Variants in PODXL2 observed in about 807,000 individuals in gnomAD.
PODXL2 encodes the protein podocalyxin like 2.
In PODXL2, 17 loss-of-function variants were observed where a neutral mutation model predicts 53.4. The ratio of observed to expected loss-of-function variants is 0.32; its 90% CI spans 0.22 to 0.48. PODXL2 has a LOEUF of 0.48. Among genes scored for constraint, PODXL2 ranks in the 20% least tolerant of loss-of-function variants. The pLI is 0.99. For synonymous variants in PODXL2, 311 were observed against 306.7 expected, an observed-to-expected ratio of 1.01 and a Z score of -0.15; for missense variants, 673 against 760.0, an observed-to-expected ratio of 0.89 and a Z score of 1.35.
intron 3 of PODXL2, 105 bp from the exon 4 acceptor site, chr3:127,662,132 G>C (rs2074771753): frequency 1.1e-6 from 1 of 888,790 alleles, no homozygotes; most frequent in Non-Finnish European, 1.8e-6. Flanking sequence ...GCCTCCACTG[G>C]CCTCCACCTT....
chr3:127,669,090 G>T (rs776585605), intron 5 of PODXL2, 51 bp from the exon 6 acceptor site: 1 of 1,304,572 alleles, frequency 7.7e-7, no homozygotes, highest in Non-Finnish European at 1.1e-6. Context: ...CCTTGGAGGG[G>T]CACGCACCTC....
At chr3:127,641,876 T>G (rs2107705487) in intron 2 of PODXL2, among the ~76,000 whole-genome samples, 1 of 152,294 alleles carries the variant, frequency 6.6e-6, no homozygotes, top group South Asian at 2.1e-4. Context: ...TTAAACTGGT[T>G]CCCTACTGTT....
At chr3:127,644,041 T>C (rs2074637471) in intron 2 of PODXL2, among the ~76,000 whole-genome samples, 3 of 152,114 alleles carry the variant, frequency 2.0e-5, no homozygotes, top group Admixed American at 2.0e-4. Flanking sequence ...TTTCTCCATA[T>C]AGATCATCTA....
chr3:127,646,996 T>C (rs751243003), intron 2 of PODXL2, among the ~76,000 whole-genome samples: 6 of 152,198 alleles, frequency 3.9e-5, no homozygotes, highest in Admixed American at 1.3e-4. Flanking sequence ...CAGGTAGAGC[T>C]GATGCCTTCC....
chr3:127,649,193 T>C (rs530440916), intron 2 of PODXL2, among the ~76,000 whole-genome samples: 1 of 152,370 alleles, frequency 6.6e-6, no homozygotes, highest in Non-Finnish European at 1.5e-5. Flanking sequence ...TCTTGCTGTT[T>C]CACTTAGAAA....
At chr3:127,648,013 A>G (rs766014236) in intron 2 of PODXL2, among the ~76,000 whole-genome samples, 2 of 152,156 alleles carry the variant, frequency 1.3e-5, no homozygotes, top group Non-Finnish European at 2.9e-5. Flanking sequence ...CCTATACTTC[A>G]TATGTCATTT....
Position 127,658,553 on chromosome 3 carries a change from A to T in PODXL2, c.350-1825A>T, listed in dbSNP as rs563298514. 1.0e-3 allele frequency among the ~76,000 whole-genome samples: 152 copies of T among 152,108 alleles called. 8 individuals carry two copies. Among genetic ancestry groups the T allele is most frequent in the Non-Finnish European group, 7.6e-4 (52 of 67,992 alleles). ...GAGTAGTCATTTATTTGGATATAAC[A>T]TTTCAGGTTCAAAATAAACATCCCT... On this transcript the variant is annotated intron_variant, in intron 2 of 7. Transcript: ENST00000342480.
intron 1 of PODXL2, among the ~76,000 whole-genome samples, chr3:127,630,184 G>T (rs557156827): frequency 6.6e-6 from 1 of 152,170 alleles, no homozygotes; most frequent in Non-Finnish European, 1.5e-5. Context: ...TGGAAATGGC[G>T]GGGAGAAGGG....
At chr3:127,654,950 C>CT (rs887888743) in intron 2 of PODXL2, among the ~76,000 whole-genome samples, 2 of 151,132 alleles carry the variant, frequency 1.3e-5, no homozygotes, top group East Asian at 2.0e-4. Flanking sequence ...TTCTTTCTTT[C>CT]TTTTTTTTGT....
At chr3:127,669,708 G>A (rs953328417) in intron 6 of PODXL2, among the ~76,000 whole-genome samples, 4 of 152,184 alleles carry the variant, frequency 2.6e-5, no homozygotes, top group East Asian at 1.9e-4. Flanking sequence ...GGTGAGATGC[G>A]GCGCCTGGGG....
At chr3:127,663,254 C>G (rs1016166211) in intron 4 of PODXL2, among the ~76,000 whole-genome samples, 2 of 152,218 alleles carry the variant, frequency 1.3e-5, no homozygotes, top group Non-Finnish European at 2.9e-5. Flanking sequence ...ACCAGGGCCC[C>G]TATTCCGGGG....
At chr3:127,658,852 T>C (rs564301661) in intron 2 of PODXL2, among the ~76,000 whole-genome samples, 36 of 152,282 alleles carry the variant, frequency 2.4e-4, no homozygotes, top group African/African-American at 8.7e-4. Context: ...TTTCTCTCCA[T>C]TATTCTCCAT....
intron 5 of PODXL2, among the ~76,000 whole-genome samples, 179 bp downstream of exon 5, chr3:127,668,776 G>A (rs1194686624): frequency 6.6e-6 from 1 of 152,234 alleles, no homozygotes; most frequent in African/African-American, 2.4e-5. Context: ...CTGGGGACAA[G>A]GAGGAGGGTG....
intron 4 of PODXL2, among the ~76,000 whole-genome samples, chr3:127,663,968 C>G (rs924705098): frequency 5.9e-5 from 9 of 152,148 alleles, no homozygotes; most frequent in African/African-American, 2.2e-4. Flanking sequence ...AATTAGTCAT[C>G]ATTATTTTTT....
At chr3:127,670,483 C>T (rs570150073) in intron 6 of PODXL2, among the ~76,000 whole-genome samples, 1 of 152,276 alleles carries the variant, frequency 6.6e-6, no homozygotes, top group African/African-American at 2.4e-5. Flanking sequence ...AGTATTCTGG[C>T]GTTACTGGTC....
chr3:127,665,822 A>G, intron 4 of PODXL2: 2 of 369,766 alleles, frequency 5.4e-6, no homozygotes, highest in Non-Finnish European at 1.1e-5. Flanking sequence ...CATGCCACAC[A>G]CGTGCTTACA....
Position 127,660,827 on chromosome 3 carries a change from G to T in PODXL2, c.799G>T (p.Ala267Ser). The T allele has an allele frequency of 1.9e-6, 3 of 1,614,266 alleles. No homozygotes were observed. Among genetic ancestry groups the T allele is most frequent in the Non-Finnish European group, 2.5e-6 (3 of 1,180,048 alleles). The change falls in exon 3 of 8, where the codon GCC becomes TCC. Residue 267 changes from alanine to serine, a missense_variant. Ala to Ser is a moderately conservative substitution (Grantham distance 99). Coordinates refer to ENST00000342480, the MANE Select transcript of PODXL2 (RefSeq NM_015720.4). ...DQDSTSQEAE[A>S]TVLPAAGLGV... ...GGACTCCACCAGCCAAGAGGCAGAG[G>T]CCACAGTGCTGCCAGCTGCAGGGCT...
chr3:127,631,765 TTAAA>T (rs1413741397), intron 1 of PODXL2, among the ~76,000 whole-genome samples: 20 of 151,510 alleles, frequency 1.3e-4, no homozygotes, highest in Admixed American at 1.3e-3. Flanking sequence ...TTGTAATTAC[TTAAA>T]TAAATACCCA....
chr3:127,629,275 T>C lies in PODXL2; in HGVS notation c.56T>C (p.Leu19Pro). ...RLPPLLSPLL[L>P]LLVGGAFLGA... ...CCGCCGCTGCTTTCGCCGCTGCTGCTTCTGCTGGTTGGGGGTGAGTGCGCT... is the reference window on the plus strand; with the variant it reads ...CCGCCGCTGCTTTCGCCGCTGCTGCCTCTGCTGGTTGGGGGTGAGTGCGCT... Residue 19 changes from leucine (L) to proline (P), a missense_variant, in exon 1 of 8, where the codon CTT (leucine) becomes CCT (proline). Coordinates refer to ENST00000342480, the MANE Select transcript of PODXL2 (RefSeq NM_015720.4). The surrounding 1 kb of genome is among the most constrained non-coding windows in gnomAD (Gnocchi z 6.4). 9.9e-7 allele frequency: 1 copy of C among 1,012,076 alleles called. No homozygotes were observed. Among genetic ancestry groups the C allele is most frequent in the African/African-American group, 1.8e-5 (1 of 57,070 alleles). 62.7% of individuals were successfully genotyped at this position (1,012,076 alleles called of 1,614,324 possible). A position where few individuals can be genotyped will look rare whatever the true frequency, so the allele number is the denominator to read the frequency against.
Sources: allele counts gnomAD v4.1 joint callset (sites outside exome capture counted in the v4.1 genomes callset), GRCh38; gene constraint gnomAD v4.1.1; non-coding constraint Gnocchi (gnomAD v3.1); transcripts MANE v1.5; gene names NCBI Gene and HGNC (gene_info 2026-07-23, HGNC 2026-07-21).